CTBP2: variants seen among roughly 807,000 people sequenced by gnomAD.
CTBP2 encodes C-terminal binding protein 2, also known as C-terminal-binding protein 2.
CTBP2 carries 30 observed loss-of-function variants against 80.3 expected under a neutral mutation model. The ratio of observed to expected loss-of-function variants is 0.37; its 90% CI spans 0.28 to 0.51. The LOEUF is 0.51. Among genes scored for constraint, CTBP2 ranks in the 20% least tolerant of loss-of-function variants. CTBP2 has a pLI of 0.93. For missense variants in CTBP2, 1,212 were observed against 1,375.3 expected (o/e 0.88, Z 1.88); for synonymous variants, 594 against 587.4 (o/e 1.01, Z -0.16).
At chr10:124,998,389 G>T in intron 3 of CTBP2, 1 of 592,296 alleles carries the variant, frequency 1.7e-6, no homozygotes, top group Admixed American at 3.0e-5. Context: ...CTCCCAAGGA[G>T]GACTTTTGCT....
chr10:125,040,089 C>T (rs1027951444), intron 2 of CTBP2, among the ~76,000 whole-genome samples: 1 of 152,160 alleles, frequency 6.6e-6, no homozygotes, highest in Non-Finnish European at 1.5e-5. Flanking sequence ...AGATCATTAA[C>T]AGCTGTCCCC....
Position 125,003,919 on chromosome 10 carries a change from G to A in CTBP2, c.1679-427C>T, listed in dbSNP as rs893325838. 4.6e-5 allele frequency among the ~76,000 whole-genome samples: 7 copies of A among 152,214 alleles called. No individual in the cohort carries two copies. In the South Asian group the frequency reaches 6.2e-4, roughly 13 times the overall value. On this transcript the variant is annotated intron_variant, in intron 1 of 8. Coordinates refer to ENST00000309035, the MANE Select transcript of CTBP2 (RefSeq NM_022802.3). Reference sequence around the variant, plus strand: ...CTGGACAGGCCCTGCACAAACAGGCGGCCTGGGCAGGCTCCTCCAGCCCCT... The same window carrying A: ...CTGGACAGGCCCTGCACAAACAGGCAGCCTGGGCAGGCTCCTCCAGCCCCT...
intron 1 of CTBP2, among the ~76,000 whole-genome samples, chr10:125,152,108 G>A (rs964729458): frequency 9.9e-5 from 15 of 152,054 alleles, no homozygotes; most frequent in Non-Finnish European, 1.9e-4. Flanking sequence ...AGCTGGGGCG[G>A]GGCCGCGCCG....
chr10:125,162,012 G>A (rs948615783), upstream of CTBP2, among the ~76,000 whole-genome samples: 7 of 152,252 alleles, frequency 4.6e-5, no homozygotes, highest in Non-Finnish European at 7.3e-5. Context: ...TCTCCGGAAG[G>A]GAGCTGGTGG....
intron 3 of CTBP2, among the ~76,000 whole-genome samples, chr10:125,002,345 C>A (rs1028093950): frequency 1.3e-5 from 2 of 152,256 alleles, no homozygotes; most frequent in African/African-American, 4.8e-5. Context: ...CATGCACCCC[C>A]AGCCGCAAGT....
chr10:125,075,702 A>G (rs1846176971), intron 2 of CTBP2, among the ~76,000 whole-genome samples: 1 of 152,256 alleles, frequency 6.6e-6, no homozygotes, highest in African/African-American at 2.4e-5. Flanking sequence ...AAAGGTATCT[A>G]ATATGCACCA....
intron 1 of CTBP2, among the ~76,000 whole-genome samples, chr10:125,129,641 G>C (rs549604814): frequency 4.1e-4 from 63 of 152,230 alleles, no homozygotes; most frequent in African/African-American, 1.5e-3. Flanking sequence ...CCTAACAAGA[G>C]ACTGAAAACA....
At chr10:125,006,060 G>A in intron 1 of CTBP2, 1 of 1,314,670 alleles carries the variant, frequency 7.6e-7, no homozygotes, top group Non-Finnish European at 9.8e-7. Context: ...CGTTACCAGG[G>A]TAACAAACTC....
At position 125,026,997 on chromosome 10, in the gene CTBP2, G is replaced by A. The variant is rs770683025; in HGVS notation, c.763C>T (p.Arg255Cys). The A allele has an allele frequency of 1.5e-5, 24 of 1,613,862 alleles. No homozygotes were observed. Among genetic ancestry groups the A allele is most frequent in the African/African-American group, 6.7e-5 (5 of 74,944 alleles). Residue 255 changes from arginine (R) to cysteine (C), a missense_variant, in exon 1 of 9, where the codon CGT (arginine) becomes TGT (cysteine). By Grantham distance (180) the Arg-to-Cys change is radical. This residue lies in a region of CTBP2 where 848 missense variants were observed against 782.3 expected (regional missense o/e 1.08). Coordinates refer to ENST00000309035, the MANE Select transcript of CTBP2 (RefSeq NM_022802.3). ...CTTTCCCGGGCAGGCCCGTAGCCAC[G>A]ATTCAGGGCCCCTGGGGCCACCCCT...
chr10:125,002,918 GCTCCGGACAA>G lies in CTBP2; in HGVS notation c.1978+32_1978+41del, dbSNP rs754890815. 13 of 1,606,648 alleles carry G rather than the reference GCTCCGGACAA, an allele frequency of 8.1e-6. No individual in the cohort carries two copies. The Admixed American group carries it at 2.2e-4, about 27-fold the overall frequency. On this transcript the variant is annotated intron_variant, in intron 3 of 8. Coordinates refer to ENST00000309035, the MANE Select transcript of CTBP2 (RefSeq NM_022802.3). Reference sequence around the variant, plus strand: ...AGCCCACCCGAGCAGGGCCCACAGAGCTCCGGACAACTCCAGGCAGCCAGCGCTGCCTCGC... The same window carrying G: ...AGCCCACCCGAGCAGGGCCCACAGAGCTCCAGGCAGCCAGCGCTGCCTCGC...
intron 1 of CTBP2, among the ~76,000 whole-genome samples, chr10:125,119,462 T>C (rs1152699): frequency 0.26 from 40,205 of 152,194 alleles, 7,973 homozygotes; most frequent in African/African-American, 0.55. Flanking sequence ...TTTCTCCTGA[T>C]AGAGCTGTAC....
chr10:125,033,325 G>T (rs747975464), intron 3 of CTBP2, among the ~76,000 whole-genome samples: 2 of 152,196 alleles, frequency 1.3e-5, no homozygotes, highest in Non-Finnish European at 2.9e-5. Flanking sequence ...AGAAAGGCAC[G>T]TGAGGTCACT....
At position 124,998,096 on chromosome 10, in the gene CTBP2, G is replaced by A; in HGVS notation, c.2053C>T (p.Leu685=). The change falls in exon 4 of 9, where the codon CTG becomes TTG. Residue 685 remains leucine (L), a synonymous_variant. Transcript: ENST00000309035. ...TACAGCCACGTGTTCCTCCGGTACA[G>A]GTTGAGGATGTGGCAGATGGTAGAG... 3.1e-6 allele frequency: 5 copies of A among 1,612,814 alleles called. No homozygotes were observed. Among genetic ancestry groups the A allele is most frequent in the East Asian group, 2.2e-5 (1 of 44,868 alleles).
chr10:125,024,320 G>A (rs1484050938), intron 1 of CTBP2, among the ~76,000 whole-genome samples: 1 of 152,216 alleles, frequency 6.6e-6, no homozygotes, highest in African/African-American at 2.4e-5. Context: ...ATTTAACAGA[G>A]ACATTTGATT....
chr10:125,036,329 T>C (rs1433303790), intron 3 of CTBP2, among the ~76,000 whole-genome samples: 1 of 152,060 alleles, frequency 6.6e-6, no homozygotes. Context: ...GATTCCAGCC[T>C]AGGGACCCAC....
chr10:125,161,672 G>A (rs1861904725), upstream of CTBP2, among the ~76,000 whole-genome samples: 1 of 152,024 alleles, frequency 6.6e-6, no homozygotes, highest in South Asian at 2.1e-4. Flanking sequence ...GCAAGTTGCA[G>A]CAGTGCTGTG....
chr10:125,074,573 T>C (rs534298710), intron 2 of CTBP2, among the ~76,000 whole-genome samples: 1 of 152,348 alleles, frequency 6.6e-6, no homozygotes, highest in Admixed American at 6.5e-5. Flanking sequence ...CTCAAACTCC[T>C]GACTTCAGGT....
At chr10:125,051,205 G>C (rs1173742527) in intron 2 of CTBP2, among the ~76,000 whole-genome samples, 1 of 152,170 alleles carries the variant, frequency 6.6e-6, no homozygotes, top group Admixed American at 6.5e-5. Context: ...CCCCACCCCA[G>C]ACACCATTCG....
At chr10:125,023,532 G>T (rs74163313) in intron 1 of CTBP2, among the ~76,000 whole-genome samples, 2,242 of 152,298 alleles carry the variant, frequency 0.015, 52 homozygotes, top group African/African-American at 0.05. Flanking sequence ...GGCCAGGTCA[G>T]CCTGAGAGCG....
Sources: allele counts gnomAD v4.1 joint callset (sites outside exome capture counted in the v4.1 genomes callset), GRCh38; gene constraint gnomAD v4.1.1; regional missense constraint gnomAD v4.1.1; transcripts MANE v1.5; gene names NCBI Gene and HGNC (gene_info 2026-07-23, HGNC 2026-07-21).